The following CD96 variants were observed in gnomAD, a reference collection of about 807,000 sequenced individuals.
CD96 encodes CD96 molecule, also known as T-cell surface protein tactile.
CD96 carries 70 observed loss-of-function variants against 71.3 expected under a neutral mutation model. The ratio of observed to expected loss-of-function variants is 0.98; its 90% CI spans 0.81 to 1.20. CD96 has a LOEUF of 1.20. CD96 is among the 50% of genes most tolerant of loss of function. The pLI, the probability that CD96 is intolerant of heterozygous loss-of-function variation, is 0.00. For missense variants in CD96, 742 were observed against 677.5 expected (o/e 1.10, Z -1.06); for synonymous variants, 248 against 233.0 (o/e 1.06, Z -0.59).
intron 12 of CD96, among the ~76,000 whole-genome samples, chr3:111,642,722 G>A (rs112211065): frequency 0.021 from 3,153 of 152,148 alleles, 114 homozygotes; most frequent in African/African-American, 0.069. Flanking sequence ...TGGGAGATTT[G>A]CTTGAGTCTG....
At chr3:111,636,374 G>T (rs1218174217) in intron 10 of CD96, among the ~76,000 whole-genome samples, 1 of 152,182 alleles carries the variant, frequency 6.6e-6, no homozygotes, top group Non-Finnish European at 1.5e-5. Flanking sequence ...ACACAAGAAA[G>T]CTTTTAACTA....
intron 1 of CD96, among the ~76,000 whole-genome samples, chr3:111,543,323 C>G (rs1030017071): frequency 6.6e-6 from 1 of 152,202 alleles, no homozygotes; most frequent in Non-Finnish European, 1.5e-5. Context: ...AGGCATGTCA[C>G]AGTCTCAATG....
rs886057765 is a variant in CD96 at position 111,600,762 on chromosome 3, A to G, written c.935A>G (p.Asp312Gly). ...YITNEERKGKDGFLELKSVLT... is the reference protein window; with the variant it reads ...YITNEERKGKGGFLELKSVLT... ...ACTAATGAAGAGAGAAAAGGCAAAG[A>G]TGGATTTTTGGAACTGAAGTCTGTT... The change falls in exon 7 of 14, where the codon GAT (aspartate) becomes GGT (glycine). Residue 312 changes from aspartate (D) to glycine (G), a missense_variant. Physicochemically the swap from Asp to Gly is moderately conservative, Grantham distance 94. Coordinates refer to ENST00000352690, the MANE Select transcript of CD96 (RefSeq NM_005816.5). The G allele has an allele frequency of 1.9e-6, 3 of 1,613,590 alleles. No homozygotes were observed. Among genetic ancestry groups the G allele is most frequent in the South Asian group, 1.1e-5 (1 of 91,080 alleles).
intron 5 of CD96, among the ~76,000 whole-genome samples, chr3:111,586,774 C>T (rs1936733784): frequency 6.6e-6 from 1 of 152,142 alleles, no homozygotes; most frequent in Admixed American, 6.5e-5. Context: ...CTTCAATTAC[C>T]TCCCACCAGG....
intron 2 of CD96, among the ~76,000 whole-genome samples, chr3:111,555,215 A>G (rs574022327): frequency 2.7e-5 from 1 of 36,410 alleles, no homozygotes; most frequent in South Asian, 7.6e-4. Context: ...TAACAAAATT[A>G]AGAGAAAAGA....
rs563592363 is a variant in CD96 at position 111,587,894 on chromosome 3, G to A, written c.807+2516G>A. Among the ~76,000 whole-genome samples the A allele has an allele frequency of 7.2e-5, 11 of 152,260 alleles. No individual in the cohort carries two copies. In the South Asian group the frequency reaches 1.7e-3, roughly 23 times the overall value. On this transcript the variant is annotated intron_variant, in intron 5 of 13. Transcript: ENST00000352690. Reference sequence around the variant, plus strand: ...ACAGGGCACCAAGTCCCAAGACTGCGCACAGCATGGAGACCTGGGGCATCA... The same window carrying A: ...ACAGGGCACCAAGTCCCAAGACTGCACACAGCATGGAGACCTGGGGCATCA...
At chr3:111,592,575 C>G (rs1307094406) in intron 5 of CD96, among the ~76,000 whole-genome samples, 1 of 142,054 alleles carries the variant, frequency 7.0e-6, no homozygotes, top group Non-Finnish European at 1.5e-5. Context: ...AGAGCACTGT[C>G]TCTCTTCCCC....
chr3:111,624,453 A>C (rs1256408297), intron 10 of CD96, 49 bp downstream of exon 10: 4 of 1,006,068 alleles, frequency 4.0e-6, no homozygotes, highest in South Asian at 1.3e-5. Flanking sequence ...TCAGTCATTC[A>C]TCCGACAGAT....
At chr3:111,573,571 A>G (rs1936086435) in intron 3 of CD96, among the ~76,000 whole-genome samples, 1 of 152,318 alleles carries the variant, frequency 6.6e-6, no homozygotes, top group East Asian at 1.9e-4. Context: ...GGGAAAATGC[A>G]TAAGAGGGAA....
chr3:111,628,866 T>C lies in CD96; in HGVS notation c.1321+4462T>C, dbSNP rs1938917343. On this transcript the variant is annotated intron_variant, in intron 10 of 13. Coordinates refer to ENST00000352690, the MANE Select transcript of CD96 (RefSeq NM_005816.5). ...AGAGATTGGGAGCCTACATTCAACA[T>C]ACATAAAAAAGAATTTTCAACCCAG... Among the ~76,000 whole-genome samples, 3 of 152,138 alleles carry C rather than the reference T, an allele frequency of 2.0e-5. No individual in the cohort carries two copies. In the South Asian group the frequency reaches 6.2e-4, roughly 32 times the overall value.
rs774695561 is a variant in CD96 at position 111,577,542 on chromosome 3, G to A, written c.544-1485G>A. ...GATTCTTGGGTCCTTCTTTCTAAGG[G>A]TATAAAGGTATGTAAATTGCTGCAG... On this transcript the variant is annotated intron_variant, in intron 3 of 13. Coordinates refer to ENST00000352690, the MANE Select transcript of CD96 (RefSeq NM_005816.5). 114 of 1,596,632 alleles carry A rather than the reference G, an allele frequency of 7.1e-5. No individual in the cohort carries two copies. The highest frequency in any genetic ancestry group is 9.3e-5 in the Non-Finnish European group (108 of 1,164,264).
At chr3:111,555,491 T>C (rs1934951231) in intron 2 of CD96, among the ~76,000 whole-genome samples, 1 of 152,242 alleles carries the variant, frequency 6.6e-6, no homozygotes, top group Non-Finnish European at 1.5e-5. Flanking sequence ...TCAGAGTGGA[T>C]TGTTTCTCTT....
chr3:111,617,261 A>G (rs1204675615), intron 8 of CD96, among the ~76,000 whole-genome samples: 2 of 151,846 alleles, frequency 1.3e-5, no homozygotes, highest in Non-Finnish European at 2.9e-5. Flanking sequence ...GTAGGTCCCC[A>G]GTGAAACCCC....
chr3:111,604,780 T>C (rs1044969002), intron 7 of CD96, among the ~76,000 whole-genome samples: 1 of 152,216 alleles, frequency 6.6e-6, no homozygotes, highest in Non-Finnish European at 1.5e-5. Flanking sequence ...AAGAGCTAGA[T>C]AGTAAATATA....
At chr3:111,639,287 G>C (rs1322055914) in intron 12 of CD96, among the ~76,000 whole-genome samples, 1 of 152,158 alleles carries the variant, frequency 6.6e-6, no homozygotes. Flanking sequence ...TGGCGGGGTG[G>C]GGGGCATGGT....
chr3:111,637,412 AATTCTTCTCAGCC>A, intron 11 of CD96, 151 bp downstream of exon 11: 1 of 687,378 alleles, frequency 1.5e-6, no homozygotes, highest in East Asian at 2.7e-5. Context: ...ATGGAAACAA[AATTCTTCTCAGCC>A]ATTCAAAGAA....
In CD96 at chr3:111,598,205, A is replaced by G; in HGVS notation, c.893A>G (p.Lys298Arg). ...GATGGAAGTTTTCTTCATGATGAAAAAGAAGGTAAGGAAACTAATCAATGG... is the reference window on the plus strand; with the variant it reads ...GATGGAAGTTTTCTTCATGATGAAAGAGAAGGTAAGGAAACTAATCAATGG... ...FIDGSFLHDEKEGIYITNEER... is the reference protein window; with the variant it reads ...FIDGSFLHDEREGIYITNEER... The change falls in exon 6 of 14, where the codon AAA (lysine) becomes AGA (arginine). Residue 298 changes from lysine to arginine, a missense_variant. Physicochemically the swap from Lys to Arg is conservative, Grantham distance 26. Coordinates refer to ENST00000352690, the MANE Select transcript of CD96 (RefSeq NM_005816.5). The G allele has an allele frequency of 7.7e-7, 1 of 1,292,686 alleles. No individual in the cohort carries two copies. Among genetic ancestry groups the G allele is most frequent in the South Asian group, 1.2e-5 (1 of 84,426 alleles). The allele number at this position is 1,292,686 out of a possible 1,614,324, so 80.1% of individuals were successfully genotyped here.
intron 1 of CD96, among the ~76,000 whole-genome samples, chr3:111,544,532 G>T (rs890424956): frequency 3.3e-5 from 5 of 152,188 alleles, no homozygotes; most frequent in Non-Finnish European, 4.4e-5. Flanking sequence ...CCTATGGCGT[G>T]TGAGGGGGAT....
At chr3:111,630,055 A>T (rs1475562392) in intron 10 of CD96, among the ~76,000 whole-genome samples, 4 of 152,172 alleles carry the variant, frequency 2.6e-5, no homozygotes, top group Non-Finnish European at 5.9e-5. Flanking sequence ...TCACATCAAA[A>T]AGCTAGAAAA....
Sources: allele counts gnomAD v4.1 joint callset (sites outside exome capture counted in the v4.1 genomes callset), GRCh38; gene constraint gnomAD v4.1.1; transcripts MANE v1.5; gene names NCBI Gene and HGNC (gene_info 2026-07-23, HGNC 2026-07-21).